PAK3: variants seen among roughly 807,000 people sequenced by gnomAD.
PAK3 encodes p21 (RAC1) activated kinase 3, also known as serine/threonine-protein kinase PAK 3.
PAK3 carries 4 observed loss-of-function variants against 41.0 expected under a neutral mutation model. The observed-to-expected ratio is 0.10, with a 90% CI of 0.05 to 0.22. The LOEUF is 0.22. PAK3 is among the 10% of genes least tolerant of loss of function. PAK3 has a pLI of 1.00. For missense variants in PAK3, 205 were observed against 409.9 expected, an observed-to-expected ratio of 0.50 and a Z score of 4.32; for synonymous variants, 146 against 139.6, an observed-to-expected ratio of 1.05 and a Z score of -0.32.
intron 8 of PAK3, among the ~76,000 whole-genome samples, chrX:111,158,473 C>T (rs1343033341): frequency 8.9e-6 from 1 of 111,778 alleles, no homozygotes; most frequent in Non-Finnish European, 1.9e-5. Flanking sequence ...GTAAAGTACG[C>T]CTAATCCCAG....
intron 8 of PAK3, among the ~76,000 whole-genome samples, chrX:111,161,580 C>T (rs369034661): frequency 1.8e-5 from 2 of 110,788 alleles, no homozygotes; most frequent in Non-Finnish European, 3.8e-5. Context: ...GGTTTTCTTC[C>T]AGGGTTTTTA....
In PAK3 at chrX:111,022,262, T is replaced by A. The variant is rs749928406; in HGVS notation, c.-28+77634T>A. ...AAAGTCAAGACAAAGAAAAGAATCT[T>A]CAGAGCTGTGAGGCAAAAGCATCGG... On this transcript the variant is annotated intron_variant, in intron 1 of 14. Transcript: ENST00000425146. 7.2e-5 allele frequency among the ~76,000 whole-genome samples: 8 copies of A among 111,871 alleles called. No individual in the cohort carries two copies. The South Asian group carries it at 3.0e-3, about 42-fold the overall frequency.
chrX:111,004,876 C>T (rs1273523469), intron 1 of PAK3, among the ~76,000 whole-genome samples: 2 of 111,812 alleles, frequency 1.8e-5, no homozygotes, highest in Admixed American at 9.5e-5. Context: ...GTTCTCGACT[C>T]GTGGGTCAGA....
intron 1 of PAK3, among the ~76,000 whole-genome samples, chrX:111,082,849 T>A (rs2092845851): frequency 8.9e-6 from 1 of 111,764 alleles, no homozygotes; most frequent in Non-Finnish European, 1.9e-5. Flanking sequence ...CCTTGATACC[T>A]AACCATGAGT....
intron 1 of PAK3, among the ~76,000 whole-genome samples, chrX:110,945,314 A>G (rs1003453808): frequency 9.0e-6 from 1 of 111,513 alleles, no homozygotes; most frequent in Non-Finnish European, 1.9e-5. Context: ...ATTCCATGCC[A>G]AGCCAGACTG....
chrX:110,960,600 A>G (rs185365447), intron 1 of PAK3, among the ~76,000 whole-genome samples: 6 of 111,505 alleles, frequency 5.4e-5, no homozygotes, highest in African/African-American at 9.8e-5. Flanking sequence ...TTGTAAGGAC[A>G]CTGGCTCTTA....
chrX:111,173,900 A>G (rs2094375857), intron 11 of PAK3, among the ~76,000 whole-genome samples: 1 of 111,523 alleles, frequency 9.0e-6, no homozygotes, highest in Non-Finnish European at 1.9e-5. Context: ...ATTTAAAGGA[A>G]AATGGAATAT....
chrX:111,074,186 A>C (rs1044200245), intron 1 of PAK3, among the ~76,000 whole-genome samples: 1 of 112,018 alleles, frequency 8.9e-6, no homozygotes, highest in Non-Finnish European at 1.9e-5. Flanking sequence ...TAAATACATT[A>C]GGTTTAGAAG....
chrX:110,972,410 C>G (rs2091229374), intron 1 of PAK3, among the ~76,000 whole-genome samples: 1 of 111,863 alleles, frequency 8.9e-6, no homozygotes. Flanking sequence ...TGGAGATACC[C>G]AGGCAAAGAG....
At chrX:111,090,672 G>A (rs375163460) in intron 1 of PAK3, among the ~76,000 whole-genome samples, 2 of 111,437 alleles carry the variant, frequency 1.8e-5, no homozygotes, top group Non-Finnish European at 3.8e-5. Context: ...CTGTATCTCC[G>A]GCAAATAATC....
chrX:111,193,242 A>G (rs191069651), intron 13 of PAK3, among the ~76,000 whole-genome samples: 24 of 111,269 alleles, frequency 2.2e-4, no homozygotes, highest in African/African-American at 7.2e-4. Flanking sequence ...TAGGTCTTCA[A>G]ACTCAATAAG....
rs748872734 is a variant in PAK3, at chrX:111,025,734, A to G, written c.-28+81106A>G. The stretch of plus-strand genomic sequence containing the variant: ...GACATTCAAAGAAGAATTGGTACCA[A>G]TCCTATTCATACTATTCCACAAGAT... On this transcript the variant is annotated intron_variant, in intron 1 of 14. Transcript: ENST00000425146. Among the ~76,000 whole-genome samples, 3 of 110,687 alleles carry G rather than the reference A, an allele frequency of 2.7e-5. No individual in the cohort carries two copies. In the East Asian group the frequency reaches 8.5e-4, roughly 31 times the overall value.
chrX:110,960,667 G>A (rs1241166435), intron 1 of PAK3, among the ~76,000 whole-genome samples: 2 of 111,025 alleles, frequency 1.8e-5, no homozygotes, highest in Middle Eastern at 4.7e-3. Flanking sequence ...GAAAGGAATA[G>A]GGTGTGACTT....
chrX:110,994,705 T>G (rs1569503232), intron 1 of PAK3, among the ~76,000 whole-genome samples: 1 of 111,750 alleles, frequency 8.9e-6, no homozygotes, highest in Non-Finnish European at 1.9e-5. Context: ...AACCATGGGC[T>G]TGGGAGTTGA....
At chrX:111,083,670 C>A (rs1019791840) in intron 1 of PAK3, among the ~76,000 whole-genome samples, 4 of 112,418 alleles carry the variant, frequency 3.6e-5, no homozygotes, top group African/African-American at 1.3e-4. Flanking sequence ...CCTCTATTTT[C>A]ATCTCAGCCA....
intron 1 of PAK3, among the ~76,000 whole-genome samples, chrX:111,020,442 T>A (rs942745676): frequency 9.0e-6 from 1 of 110,904 alleles, no homozygotes; most frequent in Non-Finnish European, 1.9e-5. Context: ...ACAGTTTCAG[T>A]TGGGGAAGAT....
intron 1 of PAK3, among the ~76,000 whole-genome samples, chrX:110,949,382 T>G (rs1326002926): frequency 8.9e-6 from 1 of 111,893 alleles, no homozygotes; most frequent in Non-Finnish European, 1.9e-5. Context: ...TGGTGGATGA[T>G]TTGATCATCC....
At chrX:111,175,527 T>C (rs1275898742) in intron 11 of PAK3, among the ~76,000 whole-genome samples, 1 of 111,548 alleles carries the variant, frequency 9.0e-6, no homozygotes, top group South Asian at 3.8e-4. Context: ...AATGCTCTAG[T>C]TGTAGCCTTA....
chrX:110,965,845 T>G (rs1007043150), intron 1 of PAK3, among the ~76,000 whole-genome samples: 7 of 111,997 alleles, frequency 6.3e-5, no homozygotes, highest in Non-Finnish European at 1.3e-4. Context: ...GAGAGGGACT[T>G]GTATTATCCC....
Sources: allele counts gnomAD v4.1 joint callset (sites outside exome capture counted in the v4.1 genomes callset), GRCh38; gene constraint gnomAD v4.1.1; transcripts MANE v1.5; gene names NCBI Gene and HGNC (gene_info 2026-07-23, HGNC 2026-07-21).